The following STK31 variants were observed in gnomAD, a reference collection of about 807,000 sequenced individuals.
The protein encoded by STK31 is serine/threonine kinase 31.
STK31 carries 89 observed loss-of-function variants against 129.7 expected under a neutral mutation model. The ratio of observed to expected loss-of-function variants is 0.69; its 90% confidence interval spans 0.58 to 0.82. The LOEUF (loss-of-function observed/expected upper bound fraction) is 0.82, where lower values mean the gene tolerates loss of function less well. Ranked by LOEUF, STK31 falls within the 40% of genes least tolerant of loss-of-function variation. STK31 has a pLI of 0.00. For missense variants in STK31, 1,187 were observed against 1,176.4 expected, an observed-to-expected ratio of 1.01 and a Z score of -0.13; for synonymous variants, 448 against 395.3, an observed-to-expected ratio of 1.13 and a Z score of -1.58.
chr7:23,811,935 G>A (rs1275940629), intron 22 of STK31, among the ~76,000 whole-genome samples: 5 of 152,166 alleles, frequency 3.3e-5, no homozygotes, highest in African/African-American at 1.2e-4. Context: ...TTGAGTATCA[G>A]ATGGTGGTGT....
intron 10 of STK31, 110 bp from the exon 11 acceptor site, chr7:23,762,691 A>T (rs2128099331): frequency 7.7e-7 from 1 of 1,298,354 alleles, no homozygotes; most frequent in Non-Finnish European, 1.1e-6. Context: ...TAAGTGCTAT[A>T]ATGTTTGGAG....
chr7:23,717,807 C>CAAA (rs1562544105), intron 4 of STK31, among the ~76,000 whole-genome samples: 1 of 152,156 alleles, frequency 6.6e-6, no homozygotes, highest in Non-Finnish European at 1.5e-5. Context: ...ATCTTCAGGA[C>CAAA]ATTAGCTAAA....
chr7:23,757,327 C>T (rs12531249), intron 10 of STK31, among the ~76,000 whole-genome samples: 12,600 of 152,022 alleles, frequency 0.083, 535 homozygotes, highest in East Asian at 0.12. Context: ...CCCAAGGGAC[C>T]GGCGCTCAGC....
At chr7:23,734,595 T>G (rs1172813613) in intron 6 of STK31, among the ~76,000 whole-genome samples, 1 of 152,196 alleles carries the variant, frequency 6.6e-6, no homozygotes, top group African/African-American at 2.4e-5. Context: ...TAGCTCAAAG[T>G]TAGCAAGCAC....
At chr7:23,745,630 C>T (rs1011126976) in intron 8 of STK31, among the ~76,000 whole-genome samples, 9 of 152,204 alleles carry the variant, frequency 5.9e-5, no homozygotes, top group Non-Finnish European at 7.3e-5. Flanking sequence ...ACACTGGTGG[C>T]AGCAGCAGCT....
At chr7:23,742,270 G>C (rs1788094374) in intron 8 of STK31, among the ~76,000 whole-genome samples, 1 of 152,182 alleles carries the variant, frequency 6.6e-6, no homozygotes. Flanking sequence ...AAGGTGTATG[G>C]AGTATGATCT....
At chr7:23,759,997 A>G (rs1221011322) in intron 10 of STK31, among the ~76,000 whole-genome samples, 2 of 152,178 alleles carry the variant, frequency 1.3e-5, no homozygotes, top group African/African-American at 4.8e-5. Context: ...CTTACTATTA[A>G]TTAGTGTCTG....
At chr7:23,781,667 T>G in intron 16 of STK31, 147 bp downstream of exon 16, 1 of 522,002 alleles carries the variant, frequency 1.9e-6, no homozygotes, top group Non-Finnish European at 3.3e-6. Flanking sequence ...AAGATTTTTG[T>G]AAATTTAGAA....
At chr7:23,724,620 T>C (rs892221039) in intron 4 of STK31, among the ~76,000 whole-genome samples, 1 of 152,208 alleles carries the variant, frequency 6.6e-6, no homozygotes, top group African/African-American at 2.4e-5. Context: ...TACAAAGCCT[T>C]AATTAAAGAT....
intron 14 of STK31, 177 bp from the exon 15 acceptor site, chr7:23,771,970 A>C (rs1790225505): frequency 2.4e-6 from 1 of 423,166 alleles, no homozygotes; most frequent in Non-Finnish European, 4.1e-6. Flanking sequence ...CTAAATAGAA[A>C]CATGGATTAA....
At chr7:23,783,559 A>G in intron 16 of STK31, 24 bp from the exon 17 acceptor site, 1 of 1,581,568 alleles carries the variant, frequency 6.3e-7, no homozygotes, top group South Asian at 1.1e-5. Flanking sequence ...TCTACAGTTA[A>G]AAACTTTTTT....
chr7:23,710,417 A>C, intron 1 of STK31, 82 bp downstream of exon 1: 7 of 1,602,572 alleles, frequency 4.4e-6, no homozygotes, highest in Non-Finnish European at 6.0e-6. Context: ...TAAGTCTCCA[A>C]TCCTGGGACG....
intron 5 of STK31, 132 bp downstream of exon 5, chr7:23,727,447 G>T: frequency 4.7e-6 from 3 of 636,054 alleles, no homozygotes; most frequent in Admixed American, 5.9e-5. Context: ...AAACACAGAA[G>T]AAATTAATTG....
At chr7:23,714,997 T>C (rs1040043619) in intron 3 of STK31, among the ~76,000 whole-genome samples, 1 of 152,210 alleles carries the variant, frequency 6.6e-6, no homozygotes, top group Non-Finnish European at 1.5e-5. Context: ...TTGAGGCTCT[T>C]GTAGAAGAAC....
chr7:23,776,824 AG>A (rs1790582738), intron 15 of STK31, among the ~76,000 whole-genome samples: 1 of 151,894 alleles, frequency 6.6e-6, no homozygotes, highest in South Asian at 2.1e-4. Context: ...TATCTCCTCC[AG>A]TTCTGCCCTG....
intron 6 of STK31, among the ~76,000 whole-genome samples, chr7:23,731,879 A>C (rs1474533297): frequency 2.6e-5 from 4 of 152,278 alleles, no homozygotes; most frequent in African/African-American, 9.6e-5. Context: ...AGTAGAAAGC[A>C]AGTGATCCTT....
intron 10 of STK31, among the ~76,000 whole-genome samples, chr7:23,754,898 G>A (rs544614937): frequency 3.4e-4 from 51 of 152,188 alleles, no homozygotes; most frequent in Middle Eastern, 3.4e-3. Flanking sequence ...CCAGTCTATC[G>A]TTGATGGGCA....
chr7:23,720,351 T>C (rs757732388), intron 4 of STK31, among the ~76,000 whole-genome samples: 1 of 152,144 alleles, frequency 6.6e-6, no homozygotes, highest in Non-Finnish European at 1.5e-5. Flanking sequence ...CTCAGATAAG[T>C]TGGAAGTTCC....
At chr7:23,777,326 G>C (rs1486294314) in intron 15 of STK31, among the ~76,000 whole-genome samples, 1 of 152,062 alleles carries the variant, frequency 6.6e-6, no homozygotes, top group Non-Finnish European at 1.5e-5. Flanking sequence ...AGTTCTGTAG[G>C]TGTTTATTAG....
Sources: allele counts gnomAD v4.1 joint callset (sites outside exome capture counted in the v4.1 genomes callset), GRCh38; gene constraint gnomAD v4.1.1; transcripts MANE v1.5; gene names NCBI Gene and HGNC (gene_info 2026-07-23, HGNC 2026-07-21).